Variants in CSMD1 observed in about 807,000 individuals in gnomAD.
The protein encoded by CSMD1 is CUB and sushi domain-containing protein 1.
CSMD1 carries 213 observed loss-of-function variants against 417.5 expected under a neutral mutation model. The observed-to-expected ratio is 0.51, with a 90% confidence interval of 0.46 to 0.57. CSMD1 has a LOEUF of 0.57. Ranked by LOEUF, CSMD1 falls within the 20% of genes least tolerant of loss-of-function variation. The probability of loss-of-function intolerance (pLI) is 0.00; values close to 1 mark genes in which losing one functional copy is unlikely to be tolerated. For missense variants in CSMD1, 6,923 were observed against 4,529.7 expected (o/e 1.53, Z -15.17); for synonymous variants, 2,862 against 1,736.8 (o/e 1.65, Z -16.11).
intron 11 of CSMD1, among the ~76,000 whole-genome samples, chr8:3,480,268 A>G (rs1291202752): frequency 6.6e-6 from 1 of 152,200 alleles, no homozygotes; most frequent in African/African-American, 2.4e-5. Flanking sequence ...AGGTTGAGGC[A>G]GAAGAATTGC....
Position 3,998,011 on chromosome 8 carries a change from G to C in CSMD1, c.710C>G (p.Thr237Ser). The change falls in exon 5 of 70, where the codon ACC (threonine) becomes AGC (serine). Residue 237 changes from threonine (T) to serine (S), a missense_variant. Physicochemically the swap from Thr to Ser is moderately conservative, Grantham distance 58. Transcript: ENST00000635120. Reference sequence around the variant, plus strand: ...GGTGTCCCCGGGCTCAGCCAGAATGGTCCAGGTGCAGTCCGCGTTGTTCTC... The same window carrying C: ...GGTGTCCCCGGGCTCAGCCAGAATGCTCCAGGTGCAGTCCGCGTTGTTCTC... ...EYENNADCTW[T>S]ILAEPGDTIA... 3.1e-6 allele frequency: 5 copies of C among 1,609,238 alleles called. No homozygotes were observed. The highest frequency in any genetic ancestry group is 1.3e-5 in the African/African-American group (1 of 75,008).
intron 5 of CSMD1, among the ~76,000 whole-genome samples, chr8:3,799,595 A>G (rs952143661): frequency 1.3e-5 from 2 of 151,904 alleles, no homozygotes; most frequent in Admixed American, 6.6e-5. Flanking sequence ...TCAACTTTTC[A>G]TTGGTACAGT....
At chr8:3,181,882 G>T (rs1031099821) in intron 36 of CSMD1, among the ~76,000 whole-genome samples, 2 of 152,202 alleles carry the variant, frequency 1.3e-5, no homozygotes, top group Non-Finnish European at 2.9e-5. Flanking sequence ...ATGCTGGCAG[G>T]TGCTGAGGAA....
chr8:3,814,915 C>T (rs1383945), intron 5 of CSMD1, among the ~76,000 whole-genome samples: 3 of 151,960 alleles, frequency 2.0e-5, no homozygotes, highest in Admixed American at 6.5e-5. Flanking sequence ...CTTTAAAAAC[C>T]GACACTCTCA....
chr8:4,425,760 A>G (rs1020715987), intron 2 of CSMD1, among the ~76,000 whole-genome samples: 5 of 152,152 alleles, frequency 3.3e-5, no homozygotes, highest in Non-Finnish European at 5.9e-5. Context: ...AATCCCAATA[A>G]TCCACACAGG....
intron 3 of CSMD1, among the ~76,000 whole-genome samples, chr8:4,383,531 A>AT (rs1364234541): frequency 2.1e-4 from 32 of 152,142 alleles, no homozygotes; most frequent in African/African-American, 7.5e-4. Flanking sequence ...GCTATTGCAG[A>AT]CAGGTTGTGG....
intron 3 of CSMD1, among the ~76,000 whole-genome samples, chr8:4,191,744 CAAAAA>C (rs3065543): frequency 7.4e-6 from 1 of 135,746 alleles, no homozygotes. Context: ...AAGGTCATTC[CAAAAA>C]AAAAAAAAAA....
chr8:3,682,505 A>C lies in CSMD1; in HGVS notation c.1009+25909T>G, dbSNP rs547261342. 4.1e-4 allele frequency among the ~76,000 whole-genome samples: 63 copies of C among 152,280 alleles called. No individual in the cohort carries two copies. In the South Asian group the frequency reaches 9.7e-3, roughly 24 times the overall value. On this transcript the variant is annotated intron_variant, in intron 7 of 69. Coordinates refer to ENST00000635120, the MANE Select transcript of CSMD1 (RefSeq NM_033225.6). ...AACCACAATGAGATACCATCTCACAACAGTTGGAATGGCGATCATTAAAAA... is the reference window on the plus strand; with the variant it reads ...AACCACAATGAGATACCATCTCACACCAGTTGGAATGGCGATCATTAAAAA...
intron 1 of CSMD1, among the ~76,000 whole-genome samples, chr8:4,953,922 T>A (rs114888899): frequency 0.021 from 3,156 of 152,202 alleles, 108 homozygotes; most frequent in African/African-American, 0.073. Context: ...AGGGTTTTGA[T>A]GTTTAAAAAG....
At chr8:4,421,366 C>A (rs978725298) in intron 2 of CSMD1, among the ~76,000 whole-genome samples, 1 of 152,122 alleles carries the variant, frequency 6.6e-6, no homozygotes, top group African/African-American at 2.4e-5. Context: ...CTTTACCCAG[C>A]AAGAACAGAG....
At chr8:4,693,301 G>A (rs1237379917) in intron 1 of CSMD1, among the ~76,000 whole-genome samples, 2 of 152,190 alleles carry the variant, frequency 1.3e-5, no homozygotes, top group African/African-American at 4.8e-5. Flanking sequence ...AGAAGGAATA[G>A]CAAAAACATC....
intron 2 of CSMD1, among the ~76,000 whole-genome samples, chr8:4,494,336 A>G (rs1465365070): frequency 6.6e-6 from 1 of 152,202 alleles, no homozygotes; most frequent in Non-Finnish European, 1.5e-5. Context: ...GCCATGGTAA[A>G]TTGCAATTGC....
chr8:3,260,678 G>A (rs1475928933), intron 26 of CSMD1, among the ~76,000 whole-genome samples: 2 of 151,438 alleles, frequency 1.3e-5, no homozygotes, highest in Admixed American at 6.6e-5. Context: ...AAAGTAATAC[G>A]TGGTTCTTGA....
intron 10 of CSMD1, among the ~76,000 whole-genome samples, chr8:3,511,207 A>G (rs1362292204): frequency 6.6e-6 from 1 of 151,698 alleles, no homozygotes; most frequent in Non-Finnish European, 1.5e-5. Context: ...AGGAAGGGGA[A>G]TATCATACAC....
chr8:4,629,004 T>C (rs1212387864), intron 2 of CSMD1, among the ~76,000 whole-genome samples: 1 of 152,206 alleles, frequency 6.6e-6, no homozygotes, highest in Non-Finnish European at 1.5e-5. Context: ...TAAAATGTCA[T>C]TGTTTTTAAT....
intron 1 of CSMD1, among the ~76,000 whole-genome samples, chr8:4,877,008 G>C (rs942881391): frequency 4.0e-5 from 6 of 151,896 alleles, no homozygotes; most frequent in Admixed American, 6.6e-5. Context: ...AAAGATAAAA[G>C]AGTTTCTCAG....
At chr8:3,764,926 A>G (rs747220229) in intron 5 of CSMD1, among the ~76,000 whole-genome samples, 3 of 151,628 alleles carry the variant, frequency 2.0e-5, no homozygotes, top group Non-Finnish European at 1.5e-5. Context: ...TCGTATTTTT[A>G]GTAGAGACAG....
chr8:4,287,987 G>T (rs566505308), intron 3 of CSMD1, among the ~76,000 whole-genome samples: 1 of 152,018 alleles, frequency 6.6e-6, no homozygotes, highest in Non-Finnish European at 1.5e-5. Flanking sequence ...ATAAAATTAA[G>T]GTTTGATTTA....
chr8:4,350,943 G>A (rs530868079), intron 3 of CSMD1, among the ~76,000 whole-genome samples: 4 of 152,234 alleles, frequency 2.6e-5, no homozygotes, highest in African/African-American at 7.2e-5. Context: ...ACACATACTT[G>A]CTTTCTGCAA....
Sources: gnomAD v4.1 joint callset for allele counts (sites outside exome capture counted in the v4.1 genomes callset) on GRCh38, gnomAD v4.1.1 for gene constraint, MANE v1.5 for transcripts, NCBI Gene and HGNC (gene_info 2026-07-23, HGNC 2026-07-21) for gene names.